Variants in ADAM8 observed in about 807,000 individuals in gnomAD.
ADAM8 encodes the protein disintegrin and metalloproteinase domain-containing protein 8.
Under a neutral mutation model 102.4 loss-of-function variants are expected in ADAM8, and 104 were observed. That is an observed-to-expected ratio of 1.02 (90% CI 0.87 to 1.20). ADAM8 has a LOEUF of 1.20. Among genes scored for constraint, ADAM8 ranks in the 50% most tolerant of loss-of-function variants. The probability of loss-of-function intolerance (pLI) is 0.00; values close to 1 mark genes in which losing one functional copy is unlikely to be tolerated. For missense variants in ADAM8, 1,132 were observed against 1,159.0 expected (o/e 0.98, Z 0.34); for synonymous variants, 517 against 485.2 (o/e 1.07, Z -0.86).
intron 20 of ADAM8, among the ~76,000 whole-genome samples, 186 bp from the exon 21 acceptor site, chr10:133,267,603 T>C (rs1846365766): frequency 6.6e-6 from 1 of 152,170 alleles, no homozygotes; most frequent in Non-Finnish European, 1.5e-5. Context: ...GATCCCGAGC[T>C]GGGGGCCGGA....
chr10:133,267,277 G>A lies in ADAM8; in HGVS notation c.2319+75C>T, dbSNP rs1846353359. On this transcript the variant is annotated intron_variant, in intron 21 of 22. Transcript: ENST00000445355. ...CTGGGGATCCCTGGCCCCCGGTGCA[G>A]TGCACAGACCCCAATCCCATCAGGA... 5.4e-6 allele frequency: 8 copies of A among 1,495,292 alleles called. No individual in the cohort carries two copies. In the Admixed American group the frequency reaches 7.8e-5, roughly 15 times the overall value. The allele number at this position is 1,495,292 out of a possible 1,614,324, so 92.6% of individuals were successfully genotyped here. A position where few individuals can be genotyped will look rare whatever the true frequency, so the allele number is the denominator to read the frequency against.
intron 2 of ADAM8, 128 bp from the exon 3 acceptor site, chr10:133,274,363 T>G: frequency 1.8e-6 from 1 of 564,582 alleles, no homozygotes; most frequent in Non-Finnish European, 2.7e-6. Flanking sequence ...CAAGGCTCCA[T>G]CCTGGAGGGT....
chr10:133,268,754 A>C lies in ADAM8; in HGVS notation c.2057T>G (p.Leu686Arg). The change falls in exon 19 of 23, where the codon CTG (leucine) becomes CGG (arginine). Residue 686 changes from leucine (L) to arginine (R), a missense_variant. Leu to Arg is a moderately radical substitution (Grantham distance 102). Coordinates refer to ENST00000445355, the MANE Select transcript of ADAM8 (RefSeq NM_001109.5). ...CAGCCCCCACCACCCTCACCTGCTC[A>C]GGATGCGGCTCCGGGCTTTGCGGTA... ...IVYRKARSRI[L>R]SRNVAPKTTM... 1 of 1,609,976 alleles carries C rather than the reference A, an allele frequency of 6.2e-7. No homozygotes were observed. The highest frequency in any genetic ancestry group is 8.5e-7 in the Non-Finnish European group (1 of 1,179,616).
chr10:133,268,124 G>T lies in ADAM8; in HGVS notation c.2064-6C>A. On this transcript the variant is annotated splice_region_variant and splice_polypyrimidine_tract_variant and intron_variant, in intron 19 of 22. Transcript: ENST00000445355. ...TGGTCTTGGGAGCCACGTTCCTGGG[G>T]AGGAAGCACAGGGCGCATGGTCAGT... The T allele has an allele frequency of 7.9e-7, 1 of 1,264,206 alleles. No homozygotes were observed. Among genetic ancestry groups the T allele is most frequent in the East Asian group, 3.0e-5 (1 of 32,884 alleles). The allele number at this position is 1,264,206 out of a possible 1,614,324, so 78.3% of individuals were successfully genotyped here.
Position 133,269,903 on chromosome 10 carries a change from G to A in ADAM8, c.1857C>T (p.Asn619=). 6.2e-7 allele frequency: 1 copy of A among 1,612,732 alleles called. No homozygotes were observed. Among genetic ancestry groups the A allele is most frequent in the African/African-American group, 1.3e-5 (1 of 75,062 alleles). The part of the protein sequence containing the change: ...RSSNCSAQCH[N]HGVCNHKQEC... ...CCCGAGAGGCCACACATACCCCATG[G>A]TTGTGGCACTGGGCAGAGCAGTTGC... The change falls in exon 17 of 23, where the codon AAC becomes AAT. Residue 619 remains asparagine (N), a synonymous_variant. Coordinates refer to ENST00000445355, the MANE Select transcript of ADAM8 (RefSeq NM_001109.5).
At chr10:133,276,184 T>C (rs1291936403) in intron 1 of ADAM8, among the ~76,000 whole-genome samples, 5 of 152,106 alleles carry the variant, frequency 3.3e-5, no homozygotes, top group African/African-American at 9.7e-5. Context: ...ATCTCCAACC[T>C]GGAGAGGCAG....
At chr10:133,269,344 G>T in intron 18 of ADAM8, 101 bp downstream of exon 18, 1 of 1,324,924 alleles carries the variant, frequency 7.5e-7, no homozygotes, top group South Asian at 1.5e-5. Flanking sequence ...CTGGCACCGT[G>T]AACACCACCA....
At chr10:133,264,945 CG>C (rs1846279186) in intron 21 of ADAM8, among the ~76,000 whole-genome samples, 5 of 126,556 alleles carry the variant, frequency 4.0e-5, no homozygotes, top group Admixed American at 7.8e-5. Flanking sequence ...TACCTCCACG[CG>C]CAGCTCCTGC....
chr10:133,271,615 GGC>G lies in ADAM8; in HGVS notation c.1195_1196del (p.Ala399ProfsTer2). 1 of 1,556,442 alleles carries G rather than the reference GGC, an allele frequency of 6.4e-7. No individual in the cohort carries two copies. Among genetic ancestry groups the G allele is most frequent in the Non-Finnish European group, 8.7e-7 (1 of 1,150,162 alleles). On this transcript the variant is annotated frameshift_variant, in exon 12 of 23. Coordinates refer to ENST00000445355, the MANE Select transcript of ADAM8 (RefSeq NM_001109.5). LOFTEE classifies it high-confidence loss of function. ...CGCCCACCAGGTGGCTGAGGTCAGGGGCGTTGGCGAGGCACACCGACTGCGGC... is the reference window on the plus strand; with the variant it reads ...CGCCCACCAGGTGGCTGAGGTCAGGGGTTGGCGAGGCACACCGACTGCGGC... ...ERPQSVCLAN[A>X]PDLSHLVGGP... is the part of the protein sequence containing the mutation.
Position 133,268,707 on chromosome 10 carries a change from A to G in ADAM8, c.2063+41T>C, listed in dbSNP as rs113444038. 1.9e-5 allele frequency: 30 copies of G among 1,575,812 alleles called. No individual in the cohort carries two copies. The African/African-American group carries it at 3.5e-4, about 18-fold the overall frequency. On this transcript the variant is annotated intron_variant, in intron 19 of 22. Transcript: ENST00000445355. ...CCTTCCTCTGGCAGCTGAGCACGGG[A>G]AGCACTCGCCACCCTCCGTCACAGC...
In ADAM8 at chr10:133,263,212, C is replaced by T. The variant is rs1846214267; in HGVS notation, c.2419G>A (p.Ala807Thr). ...PAEGAVGPKV[A>T]LKPPIQRKQG... ...TTCCTCTGGATGGGGGGCTTCAGGG[C>T]AACCTTTGGGCCAACAGCACCCTGG... is the stretch of plus-strand genomic sequence containing the variant. Residue 807 changes from alanine to threonine, a missense_variant, in exon 23 of 23, where the codon GCC becomes ACC. Physicochemically the swap from Ala to Thr is moderately conservative, Grantham distance 58 (BLOSUM62 0). Coordinates refer to ENST00000445355, the MANE Select transcript of ADAM8 (RefSeq NM_001109.5). 4 of 1,612,102 alleles carry T rather than the reference C, an allele frequency of 2.5e-6. No individual in the cohort carries two copies. The highest frequency in any genetic ancestry group is 3.4e-6 in the Non-Finnish European group (4 of 1,178,736).
chr10:133,272,839 C>T lies in ADAM8; in HGVS notation c.664G>A (p.Val222Met), dbSNP rs988051988. ...EFQMLGSEAA[V>M]RHRVLEVVNH... ...ACCACCTCCAGCACCCGATGACGCA[C>T]GGCTGCTTCGCTCCCCAGCATCTGG... The change falls in exon 8 of 23, where the codon GTG (valine) becomes ATG (methionine). Residue 222 changes from valine (V) to methionine (M), a missense_variant. Transcript: ENST00000445355. 1 of 1,611,350 alleles carries T rather than the reference C, an allele frequency of 6.2e-7. No individual in the cohort carries two copies. The highest frequency in any genetic ancestry group is 1.3e-5 in the African/African-American group (1 of 74,974).
At chr10:133,269,239 T>C in intron 18 of ADAM8, 2 of 945,262 alleles carry the variant, frequency 2.1e-6, no homozygotes, top group Non-Finnish European at 2.5e-6. Flanking sequence ...CCTCGGCCAC[T>C]GCCTCCCTCT....
chr10:133,271,388 C>G, intron 12 of ADAM8, 99 bp from the exon 13 acceptor site: 1 of 1,487,036 alleles, frequency 6.7e-7, no homozygotes, highest in South Asian at 1.3e-5. Context: ...TGCCCTGCAG[C>G]CACTCCCTCC....
chr10:133,273,450 G>A lies in ADAM8; in HGVS notation c.384-7C>T, dbSNP rs1028419178. The A allele has an allele frequency of 6.5e-7, 1 of 1,530,902 alleles. No homozygotes were observed. Among genetic ancestry groups the A allele is most frequent in the Non-Finnish European group, 8.8e-7 (1 of 1,133,538 alleles). The allele number at this position is 1,530,902 out of a possible 1,614,324, so 94.8% of individuals were successfully genotyped here. A position where few individuals can be genotyped will look rare whatever the true frequency, so the allele number is the denominator to read the frequency against. Reference sequence around the variant, plus strand: ...CCCCACCTGGAAGAAACCCCTGAGGGGAGTGGGAGCCGGGTGTGCTGTGGG... The same window carrying A: ...CCCCACCTGGAAGAAACCCCTGAGGAGAGTGGGAGCCGGGTGTGCTGTGGG... On this transcript the variant is annotated splice_region_variant and splice_polypyrimidine_tract_variant and intron_variant, in intron 5 of 22. Coordinates refer to ENST00000445355, the MANE Select transcript of ADAM8 (RefSeq NM_001109.5).
At chr10:133,276,291 C>G (rs1275792632) in intron 1 of ADAM8, among the ~76,000 whole-genome samples, 1 of 152,142 alleles carries the variant, frequency 6.6e-6, no homozygotes, top group African/African-American at 2.4e-5. Flanking sequence ...CCAAGTCACT[C>G]CAGGAGCAGG....
chr10:133,268,613 C>T (rs987098735), intron 19 of ADAM8, 135 bp downstream of exon 19: 4 of 959,128 alleles, frequency 4.2e-6, no homozygotes, highest in South Asian at 1.6e-5. Flanking sequence ...AGCCGGGGGG[C>T]GTCATGACGT....
At chr10:133,273,218 C>A in intron 6 of ADAM8, 36 bp downstream of exon 6, 1 of 1,591,308 alleles carries the variant, frequency 6.3e-7, no homozygotes, top group East Asian at 2.3e-5. Context: ...TGGACACCGG[C>A]AGGGCCAGCC....
In ADAM8 at chr10:133,274,223, CTG is replaced by C. The variant is rs778642766; in HGVS notation, c.161_162del (p.Pro54ArgfsTer91). The C allele has an allele frequency of 9.5e-5, 150 of 1,573,470 alleles. No individual in the cohort carries two copies. The highest frequency in any genetic ancestry group is 1.2e-4 in the Non-Finnish European group (144 of 1,159,712). On this transcript the variant is annotated frameshift_variant, in exon 3 of 23. Transcript: ENST00000445355. LOFTEE classifies it high-confidence loss of function. ...RALPSHLGLH[P>X]ERVSYVLGAT... ...GCCCCAAGGACGTAGCTCACCCTCT[CTG>C]GGTGCAGGCCCTGAGCGAGGAGGGA... is the stretch of plus-strand genomic sequence containing the variant.
Sources: allele counts gnomAD v4.1 joint callset (sites outside exome capture counted in the v4.1 genomes callset), GRCh38; gene constraint gnomAD v4.1.1; transcripts MANE v1.5; gene names NCBI Gene and HGNC (gene_info 2026-07-23, HGNC 2026-07-21).